Variants in PALM2AKAP2 observed in about 807,000 individuals in gnomAD.
PALM2AKAP2 encodes PALM2-AKAP2 fusion protein.
Under a neutral mutation model 71.5 loss-of-function variants are expected in PALM2AKAP2, and 37 were observed. The ratio of observed to expected loss-of-function variants is 0.52; its 90% confidence interval spans 0.40 to 0.68. PALM2AKAP2 has a LOEUF of 0.68. PALM2AKAP2 is among the 30% of genes least tolerant of loss of function. The pLI, the probability that PALM2AKAP2 is intolerant of heterozygous loss-of-function variation, is 0.00. For missense variants in PALM2AKAP2, 1,224 were observed against 1,191.8 expected (o/e 1.03, Z -0.40); for synonymous variants, 468 against 478.8 (o/e 0.98, Z 0.29).
intron 7 of PALM2AKAP2, among the ~76,000 whole-genome samples, chr9:110,035,015 G>T (rs1200637214): frequency 8.6e-5 from 13 of 151,492 alleles, no homozygotes; most frequent in Non-Finnish European, 1.5e-5. Flanking sequence ...AAGGTCAATT[G>T]AATTCGCCCA....
chr9:109,739,124 T>C (rs1453132231), intron 1 of PALM2AKAP2, among the ~76,000 whole-genome samples: 1 of 152,234 alleles, frequency 6.6e-6, no homozygotes, highest in African/African-American at 2.4e-5. Flanking sequence ...AGCTGATGCA[T>C]AGCTAGACCC....
At position 109,700,880 on chromosome 9, in the gene PALM2AKAP2, C is replaced by A. The variant is rs150609746; in HGVS notation, c.5+60014C>A. Among the ~76,000 whole-genome samples, 5 of 152,238 alleles carry A rather than the reference C, an allele frequency of 3.3e-5. No homozygotes were observed. In the East Asian group the frequency reaches 9.7e-4, roughly 29 times the overall value. On this transcript the variant is annotated intron_variant, in intron 1 of 6. Transcript: ENST00000374531. ...TCATTTTAACACCAAATAAAATTAG[C>A]CTTTCACTGGAAGGTCAAACATGAG...
chr9:109,923,141 T>C (rs1021804443), intron 3 of PALM2AKAP2, among the ~76,000 whole-genome samples: 1 of 152,148 alleles, frequency 6.6e-6, no homozygotes, highest in Non-Finnish European at 1.5e-5. Flanking sequence ...TTTTATAAAA[T>C]ACATAGGATG....
At chr9:109,697,738 T>TATCTA (rs1827993608) in intron 1 of PALM2AKAP2, among the ~76,000 whole-genome samples, 1 of 152,220 alleles carries the variant, frequency 6.6e-6, no homozygotes, top group African/African-American at 2.4e-5. Context: ...ATCTTAAGAA[T>TATCTA]TATCTCTGCA....
chr9:109,850,273 G>T (rs1077760), intron 1 of PALM2AKAP2, among the ~76,000 whole-genome samples: 53,228 of 151,956 alleles, frequency 0.35, 9,541 homozygotes, highest in South Asian at 0.39. Flanking sequence ...CATACCCAGG[G>T]ATGAGCTTTT....
intron 1 of PALM2AKAP2, among the ~76,000 whole-genome samples, chr9:109,812,783 C>A (rs1339097558): frequency 1.3e-5 from 2 of 152,148 alleles, no homozygotes; most frequent in African/African-American, 4.8e-5. Flanking sequence ...CTGTACCAGG[C>A]CATTAGTCCT....
At chr9:109,719,586 A>G (rs1221764686) in intron 1 of PALM2AKAP2, among the ~76,000 whole-genome samples, 1 of 152,202 alleles carries the variant, frequency 6.6e-6, no homozygotes, top group Non-Finnish European at 1.5e-5. Context: ...GGTCACCAGT[A>G]TGAATATTCA....
intron 7 of PALM2AKAP2, among the ~76,000 whole-genome samples, chr9:110,036,658 G>C (rs926596629): frequency 6.6e-6 from 1 of 152,012 alleles, no homozygotes; most frequent in Admixed American, 6.6e-5. Flanking sequence ...TAATGCAGTG[G>C]CTTCTCATCT....
intron 1 of PALM2AKAP2, among the ~76,000 whole-genome samples, chr9:109,701,828 T>A (rs2118583631): frequency 6.6e-6 from 1 of 151,970 alleles, no homozygotes; most frequent in South Asian, 2.1e-4. Flanking sequence ...TGGGAGAAAA[T>A]TTTTGCAATC....
chr9:109,762,386 G>A (rs1468752962), intron 1 of PALM2AKAP2, among the ~76,000 whole-genome samples: 3 of 151,970 alleles, frequency 2.0e-5, no homozygotes, highest in African/African-American at 7.3e-5. Context: ...TTAAATATTT[G>A]TCTATTTAAC....
intron 1 of PALM2AKAP2, among the ~76,000 whole-genome samples, chr9:109,834,800 T>C (rs1015879954): frequency 1.3e-5 from 2 of 152,144 alleles, no homozygotes; most frequent in Non-Finnish European, 2.9e-5. Flanking sequence ...GCAAACATGG[T>C]CTTAGAGCCA....
At chr9:110,013,344 T>G (rs1832918585) in intron 6 of PALM2AKAP2, among the ~76,000 whole-genome samples, 1 of 152,236 alleles carries the variant, frequency 6.6e-6, no homozygotes, top group African/African-American at 2.4e-5. Flanking sequence ...TAATTCAGAC[T>G]CTTACATAAG....
chr9:110,123,962 A>G (rs957938609), intron 1 of PALM2AKAP2, among the ~76,000 whole-genome samples: 1 of 152,236 alleles, frequency 6.6e-6, no homozygotes, highest in Admixed American at 6.5e-5. Context: ...ACAACAGAAC[A>G]TTCCAATTAT....
chr9:109,734,040 T>C (rs1828594028), intron 1 of PALM2AKAP2, among the ~76,000 whole-genome samples: 1 of 152,174 alleles, frequency 6.6e-6, no homozygotes, highest in Admixed American at 6.5e-5. Context: ...TAAAACAGAT[T>C]CTAGATGATT....
chr9:109,964,227 T>C (rs978223981), intron 6 of PALM2AKAP2, among the ~76,000 whole-genome samples: 28 of 152,258 alleles, frequency 1.8e-4, no homozygotes, highest in African/African-American at 6.3e-4. Flanking sequence ...CCAGTTCCCA[T>C]TGTCTTACAC....
chr9:110,136,655 A>G (rs764600135), exon 2 of PALM2AKAP2: 1 of 1,614,146 alleles, frequency 6.2e-7, no homozygotes, highest in Non-Finnish European at 8.5e-7. Flanking sequence ...CAGCCAGCCT[A>G]GAGATGCGCT....
At chr9:109,924,556 C>T (rs188689542) in intron 4 of PALM2AKAP2, among the ~76,000 whole-genome samples, 256 of 152,192 alleles carry the variant, frequency 1.7e-3, no homozygotes, top group African/African-American at 6.0e-3. Context: ...GCTGAGATTA[C>T]GCCACTGCAC....
intron 1 of PALM2AKAP2, among the ~76,000 whole-genome samples, chr9:109,836,006 C>G (rs1828464430): frequency 6.6e-6 from 1 of 152,216 alleles, no homozygotes; most frequent in Non-Finnish European, 1.5e-5. Context: ...TTAAATGTCC[C>G]TGTCTGACAG....
At chr9:109,781,612 C>T (rs886496227) in intron 1 of PALM2AKAP2, among the ~76,000 whole-genome samples, 2 of 152,174 alleles carry the variant, frequency 1.3e-5, no homozygotes, top group Non-Finnish European at 2.9e-5. Context: ...TGCACACAGA[C>T]CCTTCCTTTT....
Sources: gnomAD v4.1 joint callset for allele counts (sites outside exome capture counted in the v4.1 genomes callset) on GRCh38, gnomAD v4.1.1 for gene constraint, MANE v1.5 for transcripts, NCBI Gene and HGNC (gene_info 2026-07-23, HGNC 2026-07-21) for gene names.